Variants in C18orf54 observed in about 807,000 individuals in gnomAD.
The protein encoded by C18orf54 is lung adenoma susceptibility protein 2.
C18orf54 carries 49 observed loss-of-function variants against 49.3 expected under a neutral mutation model. That is an observed-to-expected ratio of 0.99 (90% confidence interval 0.79 to 1.26). The LOEUF (loss-of-function observed/expected upper bound fraction) is 1.26, where lower values mean the gene tolerates loss of function less well. Ranked by LOEUF, C18orf54 falls within the 50% of genes most tolerant of loss-of-function variation. C18orf54 has a pLI of 0.00. For synonymous variants in C18orf54, 211 were observed against 216.6 expected (o/e 0.97, Z 0.23); for missense variants, 687 against 620.6 (o/e 1.11, Z -1.14).
At chr18:54,375,050 A>ATG (rs1183583472) in intron 8 of C18orf54, among the ~76,000 whole-genome samples, 15 of 151,850 alleles carry the variant, frequency 9.9e-5, no homozygotes, top group Non-Finnish European at 1.3e-4. Flanking sequence ...AAAATGTATC[A>ATG]TGTATGATTA....
At chr18:54,363,458 C>G (rs1201749577) in intron 5 of C18orf54, among the ~76,000 whole-genome samples, 1 of 151,948 alleles carries the variant, frequency 6.6e-6, no homozygotes, top group African/African-American at 2.4e-5. Context: ...GGTGGGATTA[C>G]AGGCCTGCAC....
chr18:54,377,179 C>T lies in C18orf54; in HGVS notation c.1530-995C>T, dbSNP rs567300267. On this transcript the variant is annotated intron_variant, in intron 8 of 8. Coordinates refer to ENST00000620105, the MANE Select transcript of C18orf54 (RefSeq NM_001288980.2). ...TCCTGAGTAGCTGGGATGACAGATG[C>T]CAGTCACCACGCCTGGCTAATTTTC... Among the ~76,000 whole-genome samples, 12 of 152,070 alleles carry T rather than the reference C, an allele frequency of 7.9e-5. No individual in the cohort carries two copies. In the South Asian group the frequency reaches 2.5e-3, roughly 32 times the overall value.
Position 54,361,695 on chromosome 18 carries a change from A to G in C18orf54, c.336A>G (p.Arg112=). Residue 112 remains arginine (R), a synonymous_variant, in exon 4 of 9, where the codon AGA becomes AGG. Transcript: ENST00000620105. The part of the protein sequence containing the change: ...KKHSNFISCR[R]HTVNDIDSMS... ...ACTCAAACTTCATATCCTGTAGAAG[A>G]CACACCGTTAATGACATAGACTCCA... The G allele has an allele frequency of 1.9e-6, 3 of 1,613,184 alleles. No individual in the cohort carries two copies. Among genetic ancestry groups the G allele is most frequent in the Non-Finnish European group, 2.5e-6 (3 of 1,179,704 alleles).
At position 54,379,551 on chromosome 18, in the gene C18orf54, GTT is replaced by G. The variant is rs898970975; in HGVS notation, c.*1307_*1308del. The G allele has an allele frequency of 1.4e-5, 2 of 144,816 alleles. No individual in the cohort carries two copies. Among genetic ancestry groups the G allele is most frequent in the African/African-American group, 5.3e-5 (2 of 37,880 alleles). 9.0% of individuals were successfully genotyped at this position (144,816 alleles called of 1,614,324 possible). ...GTTTTTTACCATGCTGCTCTGACCA[GTT>G]TGAGTGGCAATTACCAATAGATTTG... is the stretch of plus-strand genomic sequence containing the variant. On this transcript the variant is annotated 3_prime_UTR_variant, in exon 9 of 9. Coordinates refer to ENST00000620105, the MANE Select transcript of C18orf54 (RefSeq NM_001288980.2).
chr18:54,373,897 AATCT>A (rs920212452), intron 7 of C18orf54, among the ~76,000 whole-genome samples: 29 of 151,988 alleles, frequency 1.9e-4, no homozygotes, highest in African/African-American at 6.0e-4. Context: ...TGTAGAATGT[AATCT>A]ATCTTTCTTT....
At chr18:54,366,438 C>T (rs968042917) in intron 6 of C18orf54, among the ~76,000 whole-genome samples, 1 of 151,970 alleles carries the variant, frequency 6.6e-6, no homozygotes, top group Non-Finnish European at 1.5e-5. Context: ...CAGAGTCATA[C>T]ATTTTGTCAC....
At position 54,365,708 on chromosome 18, in the gene C18orf54, A is replaced by G; in HGVS notation, c.1224-11A>G. On this transcript the variant is annotated splice_polypyrimidine_tract_variant and intron_variant, in intron 5 of 8. Transcript: ENST00000620105. ...TTAATTGCTATCTTGCATCCTTTAA[A>G]TCCTGTTTAGCAAATCTCCTGTTCC... The G allele has an allele frequency of 6.5e-7, 1 of 1,532,872 alleles. No homozygotes were observed. Among genetic ancestry groups the G allele is most frequent in the Non-Finnish European group, 8.9e-7 (1 of 1,117,698 alleles). The allele number at this position is 1,532,872 out of a possible 1,614,324, so 95.0% of individuals were successfully genotyped here. A position where few individuals can be genotyped will look rare whatever the true frequency, so the allele number is the denominator to read the frequency against.
rs1406121953 is a variant in C18orf54 at position 54,358,765 on chromosome 18, G to A, written c.-143-9G>A. The A allele has an allele frequency of 2.0e-5, 3 of 152,206 alleles. No individual in the cohort carries two copies. Among genetic ancestry groups the A allele is most frequent in the Admixed American group, 2.0e-4 (3 of 15,278 alleles). 9.4% of individuals were successfully genotyped at this position (152,206 alleles called of 1,614,324 possible). ...ATTTAACACTGAACATTCTGTTTTT[G>A]AATCAAAGTTAGTTAAAATTTGTTG... On this transcript the variant is annotated splice_polypyrimidine_tract_variant and intron_variant, in intron 1 of 8. Coordinates refer to ENST00000620105, the MANE Select transcript of C18orf54 (RefSeq NM_001288980.2).
chr18:54,360,270 T>C (rs140321718), intron 2 of C18orf54, among the ~76,000 whole-genome samples: 1,540 of 152,314 alleles, frequency 0.01, 19 homozygotes, highest in African/African-American at 0.033. Flanking sequence ...GTATTTTCCA[T>C]GTATATTCTC....
intron 7 of C18orf54, 83 bp downstream of exon 7, chr18:54,372,680 T>C (rs527963108): frequency 4.4e-5 from 57 of 1,298,964 alleles, no homozygotes; most frequent in African/African-American, 2.1e-4. Flanking sequence ...GACCTACTTA[T>C]AGTTTTATGT....
intron 8 of C18orf54, among the ~76,000 whole-genome samples, chr18:54,376,691 T>C (rs958394839): frequency 2.0e-5 from 3 of 152,234 alleles, no homozygotes; most frequent in Non-Finnish European, 4.4e-5. Flanking sequence ...GGGTGAATTA[T>C]TGTCACTTAG....
At position 54,360,838 on chromosome 18, in the gene C18orf54, T is replaced by G; in HGVS notation, c.266T>G (p.Ile89Ser). 1 of 1,611,690 alleles carries G rather than the reference T, an allele frequency of 6.2e-7. No individual in the cohort carries two copies. The highest frequency in any genetic ancestry group is 8.5e-7 in the Non-Finnish European group (1 of 1,178,710). The change falls in exon 3 of 9, where the codon ATT becomes AGT. Residue 89 changes from isoleucine (I) to serine (S), a missense_variant. Ile to Ser is a moderately radical substitution (Grantham distance 142). Transcript: ENST00000620105. ...AATATGTCACAGTTCTGCAACTATA[T>G]TTACAAACCAAACAATGGTATGCTT... The part of the protein sequence containing the change: ...FTNMSQFCNY[I>S]YKPNNAFENL...
rs992361045 is a variant in C18orf54, at chr18:54,361,918, A to G, written c.559A>G (p.Ile187Val). The change falls in exon 4 of 9, where the codon ATA (isoleucine) becomes GTA (valine). Residue 187 changes from isoleucine (I) to valine (V), a missense_variant. Transcript: ENST00000620105. ...CAAGGATAACTTTGTTACTCCTGTT[A>G]TACGCTCAAATATAAATGGAAAGCA... ...MGKDNFVTPV[I>V]RSNINGKQCG... 6.2e-7 allele frequency: 1 copy of G among 1,614,064 alleles called. No individual in the cohort carries two copies. The highest frequency in any genetic ancestry group is 8.5e-7 in the Non-Finnish European group (1 of 1,180,022).
intron 8 of C18orf54, 95 bp from the exon 9 acceptor site, chr18:54,378,079 G>GT: frequency 1.3e-6 from 1 of 778,694 alleles, no homozygotes; most frequent in South Asian, 2.9e-5. Flanking sequence ...CAATTTTGAA[G>GT]TTAATAGTCA....
rs2089620501 is a variant in C18orf54, at chr18:54,378,912, A to G, written c.*666A>G. 1 of 152,122 alleles carries G rather than the reference A, an allele frequency of 6.6e-6. No homozygotes were observed. The highest frequency in any genetic ancestry group is 2.1e-4 in the South Asian group (1 of 4,832). The allele number at this position is 152,122 out of a possible 1,614,324, so 9.4% of individuals were successfully genotyped here. A position where few individuals can be genotyped will look rare whatever the true frequency, so the allele number is the denominator to read the frequency against. On this transcript the variant is annotated 3_prime_UTR_variant, in exon 9 of 9. Coordinates refer to ENST00000620105, the MANE Select transcript of C18orf54 (RefSeq NM_001288980.2). ...TGTAAGATAATCTTGGTAGTGCTTG[A>G]CAGTTTCCAAACCTTTTTTTGGAGA...
chr18:54,379,518 G>C lies in C18orf54; in HGVS notation c.*1272G>C, dbSNP rs971921063. The C allele has an allele frequency of 4.0e-5, 2 of 49,958 alleles. No individual in the cohort carries two copies. Among genetic ancestry groups the C allele is most frequent in the South Asian group, 6.3e-4 (1 of 1,586 alleles). The allele number at this position is 49,958 out of a possible 1,614,324, so 3.1% of individuals were successfully genotyped here. On this transcript the variant is annotated 3_prime_UTR_variant, in exon 9 of 9. Coordinates refer to ENST00000620105, the MANE Select transcript of C18orf54 (RefSeq NM_001288980.2). Reference sequence around the variant, plus strand: ...TGTGGGGTTTTTTTTTTTTTTTTTTGCCCGTGAGTTTTTTACCATGCTGCT... The same window carrying C: ...TGTGGGGTTTTTTTTTTTTTTTTTTCCCCGTGAGTTTTTTACCATGCTGCT...
At chr18:54,377,708 A>C (rs990417335) in intron 8 of C18orf54, among the ~76,000 whole-genome samples, 1 of 152,220 alleles carries the variant, frequency 6.6e-6, no homozygotes. Flanking sequence ...TCAGATCTGT[A>C]ACTAATCCTT....
chr18:54,360,291 TG>T (rs1435559174), intron 2 of C18orf54, among the ~76,000 whole-genome samples: 1 of 152,202 alleles, frequency 6.6e-6, no homozygotes, highest in African/African-American at 2.4e-5. Context: ...AGATAATTTT[TG>T]TATACATACT....
rs2089371450 is a variant in C18orf54, at chr18:54,365,835, A to G, written c.1326+14A>G. On this transcript the variant is annotated intron_variant, in intron 6 of 8. Coordinates refer to ENST00000620105, the MANE Select transcript of C18orf54 (RefSeq NM_001288980.2). ...AATGATAATCAGGTGGGTGAAATTA[A>G]AAGTTTTAAAACTTATTTAAAGATA... 5 of 1,471,180 alleles carry G rather than the reference A, an allele frequency of 3.4e-6. No homozygotes were observed. The Middle Eastern group carries it at 5.5e-4, about 162-fold the overall frequency. The allele number at this position is 1,471,180 out of a possible 1,614,324, so 91.1% of individuals were successfully genotyped here.
Sources: allele counts gnomAD v4.1 joint callset (sites outside exome capture counted in the v4.1 genomes callset), GRCh38; gene constraint gnomAD v4.1.1; transcripts MANE v1.5; gene names NCBI Gene and HGNC (gene_info 2026-07-23, HGNC 2026-07-21).